ABI3BP: variants seen among roughly 807,000 people sequenced by gnomAD.
ABI3BP encodes the protein ABI family member 3 binding protein.
Under a neutral mutation model 268.6 loss-of-function variants are expected in ABI3BP, and 216 were observed. The ratio of observed to expected loss-of-function variants is 0.80; its 90% confidence interval spans 0.72 to 0.90. ABI3BP has a LOEUF of 0.90. Among genes scored for constraint, ABI3BP ranks in the 40% least tolerant of loss-of-function variants. ABI3BP has a pLI of 0.00. For missense variants in ABI3BP, 2,090 were observed against 2,182.4 expected, an observed-to-expected ratio of 0.96 and a Z score of 0.84; for synonymous variants, 730 against 730.0, an observed-to-expected ratio of 1.00 and a Z score of 0.00.
chr3:100,949,486 G>A (rs539117801), intron 1 of ABI3BP, among the ~76,000 whole-genome samples: 3 of 152,172 alleles, frequency 2.0e-5, no homozygotes, highest in East Asian at 3.9e-4. Flanking sequence ...GGCTGGTCTC[G>A]AACACTTGGC....
At chr3:100,804,368 T>C (rs1489514536) in intron 51 of ABI3BP, among the ~76,000 whole-genome samples, 2 of 152,188 alleles carry the variant, frequency 1.3e-5, no homozygotes, top group Non-Finnish European at 2.9e-5. Context: ...AAACTCAATG[T>C]GGACATAGTA....
Position 100,749,478 on chromosome 3 carries a change from T to G in ABI3BP, c.*1017A>C. 1.0e-5 allele frequency: 4 copies of G among 394,762 alleles called. No individual in the cohort carries two copies. Among genetic ancestry groups the G allele is most frequent in the Non-Finnish European group, 1.8e-5 (4 of 223,738 alleles). The allele number at this position is 394,762 out of a possible 1,614,324, so 24.5% of individuals were successfully genotyped here. ...ATGACTGCAACAGTGCAGCAAGGAT[T>G]CCCATTCCCCGCCTAAAGGACAATA... On this transcript the variant is annotated 3_prime_UTR_variant, in exon 68 of 68. Transcript: ENST00000471714.
intron 2 of ABI3BP, among the ~76,000 whole-genome samples, chr3:100,912,434 G>C (rs1033800934): frequency 6.6e-6 from 1 of 151,880 alleles, no homozygotes; most frequent in African/African-American, 2.4e-5. Context: ...ATATAAAATA[G>C]ACTGATTTGC....
In ABI3BP at chr3:100,818,518, T is replaced by C. The variant is rs1212899328; in HGVS notation, c.3088+7A>G. The C allele has an allele frequency of 6.5e-7, 1 of 1,533,536 alleles. No homozygotes were observed. Among genetic ancestry groups the C allele is most frequent in the Non-Finnish European group, 8.7e-7 (1 of 1,144,632 alleles). 95.0% of individuals were successfully genotyped at this position (1,533,536 alleles called of 1,614,324 possible). Reference sequence around the variant, plus strand: ...AGCACTATTTGAAGGACACACATTCTCATTACCCATGGTTTTTGGAGCTTC... The same window carrying C: ...AGCACTATTTGAAGGACACACATTCCCATTACCCATGGTTTTTGGAGCTTC... On this transcript the variant is annotated splice_region_variant and intron_variant, in intron 41 of 67. Coordinates refer to ENST00000471714, the MANE Select transcript of ABI3BP (RefSeq NM_001375547.2).
rs1229909384 is a variant in ABI3BP at position 100,815,908 on chromosome 3, T to A, written c.3289+4A>T. The A allele has an allele frequency of 6.6e-7, 1 of 1,520,508 alleles. No individual in the cohort carries two copies. The highest frequency in any genetic ancestry group is 8.8e-7 in the Non-Finnish European group (1 of 1,142,376). The allele number at this position is 1,520,508 out of a possible 1,614,324, so 94.2% of individuals were successfully genotyped here. On this transcript the variant is annotated splice_donor_region_variant and intron_variant, in intron 44 of 67. Coordinates refer to ENST00000471714, the MANE Select transcript of ABI3BP (RefSeq NM_001375547.2). ...CATTTAATGCAAGTCACAAAAATCA[T>A]TACCAAATGTTGTTCCTGGAGCATC...
chr3:100,811,129 C>T (rs566181692), intron 48 of ABI3BP, 101 bp downstream of exon 48: 33 of 943,400 alleles, frequency 3.5e-5, no homozygotes, highest in South Asian at 3.5e-4. Flanking sequence ...CGAAGAGTGA[C>T]GGTGTAACAT....
At chr3:100,841,140 C>A (rs2098689822) in intron 21 of ABI3BP, among the ~76,000 whole-genome samples, 1 of 140,864 alleles carries the variant, frequency 7.1e-6, no homozygotes, top group Admixed American at 7.5e-5. Context: ...AAGTAACCAG[C>A]AGTTCATGTT....
intron 2 of ABI3BP, chr3:100,914,331 T>A: frequency 5.1e-6 from 2 of 390,720 alleles, no homozygotes; most frequent in Non-Finnish European, 1.0e-5. Context: ...TTATGCCCCA[T>A]GGCTTGGAGA....
chr3:100,750,511 A>T lies in ABI3BP; in HGVS notation c.5345T>A (p.Ile1782Asn), dbSNP rs750777983. ...YVQWYECGTT[I>N]PGKW ...GTGCAGCATCTACCATTTTCCAGGA[A>T]TTGTAGTCCCACATTCATACCACTG... is the stretch of plus-strand genomic sequence containing the variant. Residue 1782 changes from isoleucine to asparagine, a missense_variant, in exon 68 of 68, where the codon ATT becomes AAT. By Grantham distance (149) the Ile-to-Asn change is moderately radical (BLOSUM62 -3). Transcript: ENST00000471714. 1 of 1,612,258 alleles carries T rather than the reference A, an allele frequency of 6.2e-7. No individual in the cohort carries two copies. Among genetic ancestry groups the T allele is most frequent in the Non-Finnish European group, 8.5e-7 (1 of 1,178,940 alleles).
chr3:100,805,540 A>C (rs576561612), intron 50 of ABI3BP, among the ~76,000 whole-genome samples: 7 of 152,236 alleles, frequency 4.6e-5, no homozygotes, highest in African/African-American at 1.7e-4. Flanking sequence ...GCCTTTATAA[A>C]GTTTACACCC....
chr3:100,898,111 A>G (rs1474656140), intron 4 of ABI3BP, among the ~76,000 whole-genome samples: 1 of 152,160 alleles, frequency 6.6e-6, no homozygotes, highest in Non-Finnish European at 1.5e-5. Context: ...GATTTTTCCC[A>G]TTTGTTCTTC....
At position 100,875,579 on chromosome 3, in the gene ABI3BP, A is replaced by G. The variant is rs772801890; in HGVS notation, c.746T>C (p.Val249Ala). 1.2e-6 allele frequency: 2 copies of G among 1,611,522 alleles called. No homozygotes were observed. The highest frequency in any genetic ancestry group is 1.3e-5 in the African/African-American group (1 of 74,828). The stretch of plus-strand genomic sequence containing the variant: ...ATCCTTGTGAGTAACATTCTGAATC[A>G]CTGTTGAAATACAAAAAGACAGTGT... Reference protein sequence around the residue: ...KLIPITIIKQVIQNVTHKDSA... With the variant: ...KLIPITIIKQAIQNVTHKDSA... Residue 249 changes from valine (V) to alanine (A), a missense_variant and splice_region_variant, in exon 8 of 68, where the codon GTG becomes GCG. Transcript: ENST00000471714.
intron 1 of ABI3BP, among the ~76,000 whole-genome samples, chr3:100,956,936 A>C (rs1343290289): frequency 6.6e-6 from 1 of 152,192 alleles, no homozygotes. Context: ...GTGAAGCTAG[A>C]GGTAACTGGG....
chr3:100,861,111 G>C (rs745756171), intron 14 of ABI3BP, among the ~76,000 whole-genome samples: 11 of 152,190 alleles, frequency 7.2e-5, no homozygotes, highest in Non-Finnish European at 1.5e-4. Context: ...TAGAGTCAGT[G>C]ACTAGGGAAA....
At chr3:100,975,215 C>T (rs2085542390) in intron 1 of ABI3BP, among the ~76,000 whole-genome samples, 1 of 151,962 alleles carries the variant, frequency 6.6e-6, no homozygotes, top group South Asian at 2.1e-4. Context: ...AAAATGTTTA[C>T]ACTTGGATGT....
Position 100,812,471 on chromosome 3 carries a change from G to C in ABI3BP, c.3417C>G (p.Thr1139=). Residue 1139 remains threonine, a synonymous_variant, in exon 46 of 68, where the codon ACC becomes ACG. Transcript: ENST00000471714. ...VTLSTESPKE[T]IAPAKTDYVY... ...CCCATTGGGGAACATTTTTACCTAT[G>C]GTCTCCTTTGGTGACTCAGTACTAA... 1 of 1,300,140 alleles carries C rather than the reference G, an allele frequency of 7.7e-7. No homozygotes were observed. The highest frequency in any genetic ancestry group is 9.8e-7 in the Non-Finnish European group (1 of 1,024,456). The allele number at this position is 1,300,140 out of a possible 1,614,324, so 80.5% of individuals were successfully genotyped here.
At chr3:100,820,085 G>C (rs914513099) in intron 40 of ABI3BP, 135 bp downstream of exon 40, 1 of 712,500 alleles carries the variant, frequency 1.4e-6, no homozygotes. Context: ...TAACTCAACA[G>C]GGGGAGCAGT....
chr3:100,848,744 A>G, intron 18 of ABI3BP, 57 bp downstream of exon 18: 2 of 1,550,626 alleles, frequency 1.3e-6, no homozygotes, highest in South Asian at 2.2e-5. Flanking sequence ...TTACTATAAG[A>G]AAATGGACAT....
chr3:100,762,410 T>TC (rs1315120769), intron 63 of ABI3BP, among the ~76,000 whole-genome samples: 1 of 152,230 alleles, frequency 6.6e-6, no homozygotes, highest in Non-Finnish European at 1.5e-5. Flanking sequence ...TTATTGTTTT[T>TC]CCTTTCCTTG....
Sources: allele counts gnomAD v4.1 joint callset (sites outside exome capture counted in the v4.1 genomes callset), GRCh38; gene constraint gnomAD v4.1.1; transcripts MANE v1.5; gene names NCBI Gene and HGNC (gene_info 2026-07-23, HGNC 2026-07-21).